Variants in DENND1A observed in about 807,000 individuals in gnomAD.
DENND1A encodes the protein DENN domain-containing protein 1A.
A neutral mutation model predicts 113.7 loss-of-function variants in DENND1A; 51 were observed. The observed-to-expected ratio is 0.45, with a 90% CI of 0.36 to 0.57. The LOEUF (loss-of-function observed/expected upper bound fraction) is 0.57. DENND1A is among the 20% of genes least tolerant of loss of function. The probability of loss-of-function intolerance (pLI) is 0.00; values close to 1 mark genes in which losing one functional copy is unlikely to be tolerated. For missense variants in DENND1A, 1,258 were observed against 1,395.9 expected, an observed-to-expected ratio of 0.90 and a Z score of 1.57; for synonymous variants, 565 against 570.8, an observed-to-expected ratio of 0.99 and a Z score of 0.14.
chr9:123,543,464 C>T (rs1194318444), intron 13 of DENND1A, among the ~76,000 whole-genome samples: 1 of 152,136 alleles, frequency 6.6e-6, no homozygotes, highest in Non-Finnish European at 1.5e-5. Context: ...TCTAATAGTT[C>T]AAGGAACAGG....
intron 8 of DENND1A, among the ~76,000 whole-genome samples, chr9:123,653,319 C>T (rs750827834): frequency 6.6e-6 from 1 of 152,174 alleles, no homozygotes; most frequent in African/African-American, 2.4e-5. Flanking sequence ...CTGTACCAGA[C>T]ACTGTGGATG....
chr9:123,610,820 C>A (rs534031329), intron 10 of DENND1A, among the ~76,000 whole-genome samples: 14 of 152,246 alleles, frequency 9.2e-5, no homozygotes, highest in Admixed American at 3.3e-4. Flanking sequence ...TTGCTTCCAA[C>A]TGAATACTAA....
intron 13 of DENND1A, among the ~76,000 whole-genome samples, chr9:123,468,016 T>C (rs946663871): frequency 6.6e-6 from 1 of 152,126 alleles, no homozygotes; most frequent in Admixed American, 6.5e-5. Flanking sequence ...AGGACCTCAT[T>C]TCCCACTAAA....
intron 13 of DENND1A, among the ~76,000 whole-genome samples, chr9:123,458,472 A>G (rs1442900408): frequency 1.3e-5 from 2 of 152,204 alleles, no homozygotes; most frequent in African/African-American, 4.8e-5. Context: ...TCAGAGAGGA[A>G]GAGTCATCCC....
chr9:123,768,237 A>G (rs1397944284), intron 4 of DENND1A, among the ~76,000 whole-genome samples: 6 of 152,204 alleles, frequency 3.9e-5, no homozygotes, highest in Non-Finnish European at 8.8e-5. Flanking sequence ...TGGCTTAAGA[A>G]AAAATAAAAT....
At chr9:123,548,364 T>C (rs1011159407) in intron 13 of DENND1A, among the ~76,000 whole-genome samples, 1 of 152,224 alleles carries the variant, frequency 6.6e-6, no homozygotes, top group Admixed American at 6.5e-5. Flanking sequence ...TAATTCCTTA[T>C]CCACTTGCCT....
At chr9:123,432,598 G>C (rs1323571910) in intron 19 of DENND1A, among the ~76,000 whole-genome samples, 1 of 152,214 alleles carries the variant, frequency 6.6e-6, no homozygotes, top group Admixed American at 6.5e-5. Context: ...TGGATGAGAG[G>C]GGAAGAAACG....
At chr9:123,510,105 C>T (rs1309804122) in intron 13 of DENND1A, among the ~76,000 whole-genome samples, 1 of 152,242 alleles carries the variant, frequency 6.6e-6, no homozygotes, top group Admixed American at 6.5e-5. Context: ...GTGCGGCCTG[C>T]CCTGTGAGTC....
intron 21 of DENND1A, among the ~76,000 whole-genome samples, chr9:123,398,018 C>T (rs1488766222): frequency 6.6e-6 from 1 of 152,214 alleles, no homozygotes; most frequent in Non-Finnish European, 1.5e-5. Context: ...AAGCACTTGG[C>T]TCTGCATGCA....
At chr9:123,554,828 T>G (rs2057330810) in intron 13 of DENND1A, among the ~76,000 whole-genome samples, 1 of 152,242 alleles carries the variant, frequency 6.6e-6, no homozygotes, top group Non-Finnish European at 1.5e-5. Flanking sequence ...TAGTACATCT[T>G]ATGACTGAAC....
intron 5 of DENND1A, 137 bp from the exon 6 acceptor site, chr9:123,676,926 C>T (rs2064113790): frequency 1.3e-6 from 1 of 795,028 alleles, no homozygotes; most frequent in South Asian, 1.6e-5. Context: ...GGTGGAAACA[C>T]AAACTGGCGA....
chr9:123,921,528 C>A (rs577000543), intron 1 of DENND1A, among the ~76,000 whole-genome samples: 128 of 152,278 alleles, frequency 8.4e-4, no homozygotes, highest in Middle Eastern at 6.8e-3. Flanking sequence ...AATGCAACAC[C>A]CTCAAACCTT....
At chr9:123,440,068 G>A (rs930317018) in intron 19 of DENND1A, 2 of 236,038 alleles carry the variant, frequency 8.5e-6, no homozygotes, top group Non-Finnish European at 1.6e-5. Flanking sequence ...AGCTAACAGA[G>A]GCACCTTAAG....
At chr9:123,646,360 T>C (rs2062326805) in intron 9 of DENND1A, among the ~76,000 whole-genome samples, 1 of 152,128 alleles carries the variant, frequency 6.6e-6, no homozygotes, top group South Asian at 2.1e-4. Flanking sequence ...TGAGGAATTC[T>C]GTTCTGAAAG....
chr9:123,445,333 G>C (rs2047223492), intron 18 of DENND1A, among the ~76,000 whole-genome samples: 1 of 152,244 alleles, frequency 6.6e-6, no homozygotes, highest in Admixed American at 6.5e-5. Context: ...AGCAGGGCCT[G>C]CTGCGGCCCA....
intron 2 of DENND1A, among the ~76,000 whole-genome samples, chr9:123,805,913 A>G (rs1222948495): frequency 2.6e-5 from 4 of 152,178 alleles, no homozygotes; most frequent in Non-Finnish European, 4.4e-5. Flanking sequence ...CTATTTACAT[A>G]TAAGTACCTA....
rs926677145 is a variant in DENND1A at position 123,913,987 on chromosome 9, C to T, written c.17+15902G>A. On this transcript the variant is annotated intron_variant, in intron 1 of 23. Coordinates refer to ENST00000394215, the MANE Select transcript of DENND1A (RefSeq NM_001352964.2). ...TCTGCACTGCAGGCAGCAGTGCAGA[C>T]ATGGTCAGGTCCGAGAACTATACCA... 7.9e-5 allele frequency among the ~76,000 whole-genome samples: 12 copies of T among 151,376 alleles called. No individual in the cohort carries two copies. The East Asian group carries it at 2.3e-3, about 29-fold the overall frequency.
intron 13 of DENND1A, among the ~76,000 whole-genome samples, chr9:123,522,743 T>C (rs1175688333): frequency 6.6e-6 from 1 of 152,174 alleles, no homozygotes; most frequent in Non-Finnish European, 1.5e-5. Context: ...TCCGGGCTGA[T>C]GAAAATATCA....
At chr9:123,385,722 A>G (rs896819420) in intron 22 of DENND1A, among the ~76,000 whole-genome samples, 4 of 152,190 alleles carry the variant, frequency 2.6e-5, no homozygotes, top group Non-Finnish European at 5.9e-5. Flanking sequence ...CACCTTATGG[A>G]TGAGGAATGA....
Sources: gnomAD v4.1 joint callset for allele counts (sites outside exome capture counted in the v4.1 genomes callset) on GRCh38, gnomAD v4.1.1 for gene constraint, MANE v1.5 for transcripts, NCBI Gene and HGNC (gene_info 2026-07-23, HGNC 2026-07-21) for gene names.